The following AMBRA1 variants were observed in gnomAD, a reference collection of about 807,000 sequenced individuals.
AMBRA1 encodes activating molecule in BECN1-regulated autophagy protein 1.
AMBRA1 carries 47 observed loss-of-function variants against 125.4 expected under a neutral mutation model. The ratio of observed to expected loss-of-function variants is 0.37; its 90% CI spans 0.30 to 0.48. The LOEUF (loss-of-function observed/expected upper bound fraction) is 0.48. AMBRA1 is among the 20% of genes least tolerant of loss of function. AMBRA1 has a pLI of 0.99. For synonymous variants in AMBRA1, 626 were observed against 655.5 expected, an observed-to-expected ratio of 0.95 and a Z score of 0.69; for missense variants, 1,331 against 1,693.4, an observed-to-expected ratio of 0.79 and a Z score of 3.76.
chr11:46,412,140 TG>T (rs1419857624), intron 15 of AMBRA1, among the ~76,000 whole-genome samples: 1 of 152,204 alleles, frequency 6.6e-6, no homozygotes, highest in Admixed American at 6.5e-5. Context: ...AGTTGTCCCT[TG>T]GTATCTTTGG....
At chr11:46,557,030 G>A (rs1453785256) in intron 1 of AMBRA1, among the ~76,000 whole-genome samples, 1 of 152,042 alleles carries the variant, frequency 6.6e-6, no homozygotes, top group Non-Finnish European at 1.5e-5. Flanking sequence ...CAGCTACTTA[G>A]GAGGCTGAGG....
intron 14 of AMBRA1, among the ~76,000 whole-genome samples, chr11:46,418,507 C>T (rs1218751206): frequency 6.6e-6 from 1 of 151,466 alleles, no homozygotes; most frequent in African/African-American, 2.4e-5. Context: ...CCCATTAACT[C>T]GTCAGTCACA....
chr11:46,509,331 T>C (rs1392386053), intron 8 of AMBRA1, among the ~76,000 whole-genome samples: 1 of 152,220 alleles, frequency 6.6e-6, no homozygotes, highest in Non-Finnish European at 1.5e-5. Flanking sequence ...CGCTATGGAC[T>C]GAAAACATGA....
chr11:46,552,363 C>T (rs1301821579), intron 1 of AMBRA1, among the ~76,000 whole-genome samples: 2 of 62,632 alleles, frequency 3.2e-5, no homozygotes, highest in African/African-American at 8.1e-5. Context: ...AGTGAGACTC[C>T]ATCTCAAAAA....
chr11:46,462,724 C>G (rs1949148194), intron 11 of AMBRA1, among the ~76,000 whole-genome samples: 1 of 152,096 alleles, frequency 6.6e-6, no homozygotes. Context: ...CTCATCTCCC[C>G]ATTCAAGTAC....
intron 11 of AMBRA1, 37 bp downstream of exon 11, chr11:46,493,571 C>T (rs760677728): frequency 1.9e-6 from 3 of 1,542,484 alleles, no homozygotes; most frequent in Non-Finnish European, 2.7e-6. Context: ...CTCCTTGGCC[C>T]TTCACATTTT....
intron 17 of AMBRA1, among the ~76,000 whole-genome samples, chr11:46,406,058 G>T (rs7924437): frequency 0.99 from 149,132 of 150,914 alleles, 73,716 homozygotes; most frequent in East Asian, 1. Flanking sequence ...TTTATTTATT[G>T]TATTATTATT....
At chr11:46,566,598 G>T (rs2043541918) in intron 1 of AMBRA1, among the ~76,000 whole-genome samples, 1 of 152,096 alleles carries the variant, frequency 6.6e-6, no homozygotes, top group African/African-American at 2.4e-5. Flanking sequence ...GGACCCGGGG[G>T]GTGAGGATTG....
chr11:46,537,853 T>A (rs1381378232), intron 7 of AMBRA1, among the ~76,000 whole-genome samples: 1 of 152,158 alleles, frequency 6.6e-6, no homozygotes, highest in Non-Finnish European at 1.5e-5. Flanking sequence ...TGAACAAAAC[T>A]TTCTCCTTTC....
At chr11:46,572,771 C>T (rs1407049296) in intron 1 of AMBRA1, among the ~76,000 whole-genome samples, 1 of 152,120 alleles carries the variant, frequency 6.6e-6, no homozygotes, top group African/African-American at 2.4e-5. Flanking sequence ...CATCCCCCCA[C>T]TGTACATTTG....
At chr11:46,429,000 A>C (rs1342587316) in intron 14 of AMBRA1, 1 of 1,612,186 alleles carries the variant, frequency 6.2e-7, no homozygotes, top group Non-Finnish European at 8.5e-7. Flanking sequence ...GACTTGAGAG[A>C]CTGCATGGCC....
chr11:46,483,962 T>C (rs964898823), intron 11 of AMBRA1, among the ~76,000 whole-genome samples: 2 of 152,180 alleles, frequency 1.3e-5, no homozygotes, highest in African/African-American at 4.8e-5. Flanking sequence ...CCAGCATTCA[T>C]ACTGCTCACT....
At chr11:46,406,601 C>T (rs1946034076) in intron 17 of AMBRA1, among the ~76,000 whole-genome samples, 1 of 152,088 alleles carries the variant, frequency 6.6e-6, no homozygotes, top group South Asian at 2.1e-4. Flanking sequence ...AAGGGGCTGG[C>T]TAGGTATGGT....
At chr11:46,507,428 G>A (rs1218217080) in intron 9 of AMBRA1, among the ~76,000 whole-genome samples, 4 of 149,736 alleles carry the variant, frequency 2.7e-5, no homozygotes, top group African/African-American at 9.9e-5. Context: ...GCAGTGAGCC[G>A]AGATAGCGCC....
intron 5 of AMBRA1, among the ~76,000 whole-genome samples, chr11:46,545,348 G>C (rs1462571417): frequency 2.0e-5 from 3 of 151,984 alleles, no homozygotes; most frequent in Non-Finnish European, 4.4e-5. Context: ...TGCAATCCCA[G>C]CTACTCTGGA....
chr11:46,411,644 T>C (rs1318824581), intron 15 of AMBRA1, among the ~76,000 whole-genome samples: 3 of 152,116 alleles, frequency 2.0e-5, no homozygotes, highest in Non-Finnish European at 4.4e-5. Context: ...AATTTTTGTA[T>C]TTTTAGTAGA....
intron 11 of AMBRA1, among the ~76,000 whole-genome samples, chr11:46,489,242 G>A (rs148111398): frequency 0.05 from 7,594 of 151,242 alleles, 589 homozygotes; most frequent in African/African-American, 0.17. Flanking sequence ...AACAGGCCCC[G>A]GTGTGTGATG....
At chr11:46,573,932 T>TG (rs1199978034) in intron 1 of AMBRA1, among the ~76,000 whole-genome samples, 1 of 146,114 alleles carries the variant, frequency 6.8e-6, no homozygotes, top group Non-Finnish European at 1.5e-5. Flanking sequence ...TTTTTGTTCT[T>TG]GCGATAGTTT....
At chr11:46,575,998 G>A (rs970737347) in intron 1 of AMBRA1, among the ~76,000 whole-genome samples, 1 of 152,172 alleles carries the variant, frequency 6.6e-6, no homozygotes, top group African/African-American at 2.4e-5. Context: ...TTATAGGAAA[G>A]AGATTGCCGG....
Sources: allele counts gnomAD v4.1 joint callset (sites outside exome capture counted in the v4.1 genomes callset), GRCh38; gene constraint gnomAD v4.1.1; transcripts MANE v1.5; gene names NCBI Gene and HGNC (gene_info 2026-07-23, HGNC 2026-07-21).